YLPM1: variants seen among roughly 807,000 people sequenced by gnomAD.
YLPM1 encodes the protein YLP motif-containing protein 1.
YLPM1 carries 99 observed loss-of-function variants against 230.0 expected under a neutral mutation model. That is an observed-to-expected ratio of 0.43 (90% confidence interval 0.37 to 0.51). The LOEUF is 0.51. Ranked by LOEUF, YLPM1 falls within the 20% of genes least tolerant of loss-of-function variation. YLPM1 has a pLI of 0.00. For missense variants in YLPM1, 2,592 were observed against 2,707.7 expected (o/e 0.96, Z 0.95); for synonymous variants, 984 against 942.5 (o/e 1.04, Z -0.81).
rs541025662 is a variant in YLPM1 at position 74,780,975 on chromosome 14, C to G, written c.1291-359C>G. ...CGTAAAAGATAAAGTGACTTAGATA[C>G]TTGTTTGTGTTGTATCTTTGAGGGG... On this transcript the variant is annotated intron_variant, in intron 3 of 20. Transcript: ENST00000325680. Among the ~76,000 whole-genome samples the G allele has an allele frequency of 3.2e-3, 485 of 152,274 alleles. 4 individuals carry two copies. The highest frequency in any genetic ancestry group is 5.2e-3 in the Non-Finnish European group (355 of 68,022).
rs550912387 is a variant in YLPM1 at position 74,827,087 on chromosome 14, C to T, written c.6164-2126C>T. ...ATAGGTGCATAATCTTGTATGTTTA[C>T]GTTGAACAGATTTTCAGAAATACCA... On this transcript the variant is annotated intron_variant, in intron 18 of 20. Transcript: ENST00000325680. Among the ~76,000 whole-genome samples the T allele has an allele frequency of 7.9e-5, 12 of 152,106 alleles. No individual in the cohort carries two copies. The South Asian group carries it at 1.9e-3, about 24-fold the overall frequency.
intron 18 of YLPM1, chr14:74,827,864 A>G: frequency 1.0e-6 from 1 of 985,388 alleles, no homozygotes; most frequent in Non-Finnish European, 1.2e-6. Context: ...GGCCCGTCAT[A>G]TACACGTAGA....
At chr14:74,792,002 A>G (rs2140101519) in intron 4 of YLPM1, among the ~76,000 whole-genome samples, 1 of 152,348 alleles carries the variant, frequency 6.6e-6, no homozygotes, top group East Asian at 1.9e-4. Context: ...AATAATTGCT[A>G]CATTTAATAC....
At chr14:74,778,240 T>G (rs1251977778) in intron 1 of YLPM1, among the ~76,000 whole-genome samples, 1 of 152,242 alleles carries the variant, frequency 6.6e-6, no homozygotes, top group Non-Finnish European at 1.5e-5. Flanking sequence ...TGGTTTAATT[T>G]AAATGTATAA....
intron 11 of YLPM1, among the ~76,000 whole-genome samples, chr14:74,815,561 CAA>C (rs746833102): frequency 1.3e-4 from 15 of 114,138 alleles, no homozygotes; most frequent in Non-Finnish European, 1.7e-4. Context: ...GACTCCATCT[CAA>C]AAAAAAAAAA....
At chr14:74,773,149 G>A (rs909749566) in intron 1 of YLPM1, among the ~76,000 whole-genome samples, 2 of 152,194 alleles carry the variant, frequency 1.3e-5, no homozygotes, top group African/African-American at 2.4e-5. Flanking sequence ...TTAGCCGGGC[G>A]TGGTGGCGGG....
chr14:74,810,420 G>A lies in YLPM1; in HGVS notation c.5228G>A (p.Arg1743Lys), dbSNP rs1480517460. The A allele has an allele frequency of 2.5e-6, 4 of 1,613,224 alleles. No homozygotes were observed. Among genetic ancestry groups the A allele is most frequent in the Non-Finnish European group, 3.4e-6 (4 of 1,179,742 alleles). Residue 1743 changes from arginine to lysine, a missense_variant and splice_region_variant, in exon 9 of 21, where the codon AGA becomes AAA. By Grantham distance (26) the Arg-to-Lys change is conservative. Coordinates refer to ENST00000325680, the MANE Select transcript of YLPM1 (RefSeq NM_019589.3). ...FDRERRPRDDRAQSYRDKKDH... is the reference protein window; with the variant it reads ...FDRERRPRDDKAQSYRDKKDH... ...AGAGAACGCCGACCCCGAGATGATAGGTATGCTATAAAACAATCTTTGCTA... is the reference window on the plus strand; with the variant it reads ...AGAGAACGCCGACCCCGAGATGATAAGTATGCTATAAAACAATCTTTGCTA...
chr14:74,763,590 C>A lies in YLPM1; in HGVS notation c.101C>A (p.Pro34His). 6.3e-7 allele frequency: 1 copy of A among 1,589,184 alleles called. No homozygotes were observed. The highest frequency in any genetic ancestry group is 8.6e-7 in the Non-Finnish European group (1 of 1,166,694). Reference protein sequence around the residue: ...PVALPEASPGPGYSSSTTPAA... With the variant: ...PVALPEASPGHGYSSSTTPAA... ...GCGCTTCCTGAGGCCTCGCCGGGGC[C>A]CGGGTACTCGAGCTCGACGACTCCC... Residue 34 changes from proline to histidine, a missense_variant, in exon 1 of 21, where the codon CCC becomes CAC. Physicochemically the swap from Pro to His is moderately conservative, Grantham distance 77. Coordinates refer to ENST00000325680, the MANE Select transcript of YLPM1 (RefSeq NM_019589.3).
chr14:74,779,656 T>C (rs955627589), intron 2 of YLPM1, among the ~76,000 whole-genome samples: 82 of 151,892 alleles, frequency 5.4e-4, no homozygotes, highest in Non-Finnish European at 7.2e-4. Flanking sequence ...TTTTTTTTTT[T>C]TTCCAGACAG....
At position 74,763,775 on chromosome 14, in the gene YLPM1, G is replaced by T. The variant is rs772517359; in HGVS notation, c.286G>T (p.Gly96Cys). 2 of 1,486,330 alleles carry T rather than the reference G, an allele frequency of 1.3e-6. No homozygotes were observed. The highest frequency in any genetic ancestry group is 2.9e-5 in the African/African-American group (2 of 69,788). The allele number at this position is 1,486,330 out of a possible 1,614,324, so 92.1% of individuals were successfully genotyped here. Residue 96 changes from glycine to cysteine, a missense_variant, in exon 1 of 21, where the codon GGC (glycine) becomes TGC (cysteine). Transcript: ENST00000325680. ...LPPPPVMPGG[G>C]YGDWQPPPPP... ...GCCCCCGCCAGTGATGCCGGGGGGC[G>T]GCTACGGAGACTGGCAGCCGCCACC...
rs750033293 is a variant in YLPM1, at chr14:74,802,623, C to T, written c.4468C>T (p.Pro1490Ser). ...GSEPQMADHL[P>S]PQESRLQNTS... ...TGAGCCACAGATGGCTGACCATCTA[C>T]CACCTCAGGAATCAAGATTGCAGAA... The change falls in exon 6 of 21, where the codon CCA becomes TCA. Residue 1490 changes from proline to serine, a missense_variant. By Grantham distance (74) the Pro-to-Ser change is moderately conservative. This residue lies in a region of YLPM1 where 403 missense variants were observed against 426.7 expected (regional missense o/e 0.94). Transcript: ENST00000325680. 12 of 1,613,456 alleles carry T rather than the reference C, an allele frequency of 7.4e-6. 1 individual carries two copies. The South Asian group carries it at 1.2e-4, about 16-fold the overall frequency.
chr14:74,811,693 C>T lies in YLPM1; in HGVS notation c.5302C>T (p.Arg1768Trp). Residue 1768 changes from arginine to tryptophan, a missense_variant, in exon 10 of 21, where the codon CGG (arginine) becomes TGG (tryptophan). Arg to Trp is a moderately radical substitution (Grantham distance 101). Coordinates refer to ENST00000325680, the MANE Select transcript of YLPM1 (RefSeq NM_019589.3). ...GGGTTTTGATAGGCCATCCTATGAC[C>T]GGAAGTCTGACCGACCAGTCTATGA... ...RGGFDRPSYD[R>W]KSDRPVYEGP... The T allele has an allele frequency of 2.5e-6, 4 of 1,611,894 alleles. No homozygotes were observed. The highest frequency in any genetic ancestry group is 1.1e-5 in the South Asian group (1 of 90,756).
intron 4 of YLPM1, among the ~76,000 whole-genome samples, chr14:74,792,145 AAT>A (rs1228604271): frequency 6.6e-6 from 1 of 152,120 alleles, no homozygotes; most frequent in Non-Finnish European, 1.5e-5. Context: ...TCCTTCTGTA[AAT>A]ATATACTCTC....
intron 1 of YLPM1, among the ~76,000 whole-genome samples, chr14:74,768,316 C>A (rs1187463453): frequency 6.6e-6 from 1 of 152,234 alleles, no homozygotes; most frequent in Non-Finnish European, 1.5e-5. Flanking sequence ...GTGGTGAAAT[C>A]TCGGCTCACT....
At chr14:74,791,828 A>G (rs1408875140) in intron 4 of YLPM1, among the ~76,000 whole-genome samples, 1 of 152,180 alleles carries the variant, frequency 6.6e-6, no homozygotes, top group Non-Finnish European at 1.5e-5. Flanking sequence ...TTCTTCCAAA[A>G]TGTCAGTCAT....
At chr14:74,814,598 T>G (rs895238362) in intron 11 of YLPM1, among the ~76,000 whole-genome samples, 1 of 152,222 alleles carries the variant, frequency 6.6e-6, no homozygotes, top group Non-Finnish European at 1.5e-5. Context: ...CTGGGATAAA[T>G]CCCACTTGAT....
At chr14:74,824,124 C>T (rs1371790633) in intron 17 of YLPM1, 132 bp from the exon 18 acceptor site, 1 of 798,512 alleles carries the variant, frequency 1.3e-6, no homozygotes. Flanking sequence ...TGTGTTTCCC[C>T]TAAGGATGTA....
intron 1 of YLPM1, among the ~76,000 whole-genome samples, chr14:74,772,412 G>A (rs2090986767): frequency 6.6e-6 from 1 of 150,460 alleles, no homozygotes; most frequent in South Asian, 2.1e-4. Flanking sequence ...CTGAAGTGCA[G>A]TGGCGCGAGG....
rs1035340614 is a variant in YLPM1 at position 74,836,164 on chromosome 14, C to T, written c.*426C>T. 2 of 193,636 alleles carry T rather than the reference C, an allele frequency of 1.0e-5. No individual in the cohort carries two copies. Among genetic ancestry groups the T allele is most frequent in the African/African-American group, 4.8e-5 (2 of 41,828 alleles). 12.0% of individuals were successfully genotyped at this position (193,636 alleles called of 1,614,324 possible). Reference sequence around the variant, plus strand: ...AAAACAATAAACTTTCATGATAAAGCCGATGAGATTCATGGGCTATACAGC... The same window carrying T: ...AAAACAATAAACTTTCATGATAAAGTCGATGAGATTCATGGGCTATACAGC... On this transcript the variant is annotated 3_prime_UTR_variant, in exon 21 of 21. Coordinates refer to ENST00000325680, the MANE Select transcript of YLPM1 (RefSeq NM_019589.3).
Sources: allele counts gnomAD v4.1 joint callset (sites outside exome capture counted in the v4.1 genomes callset), GRCh38; gene constraint gnomAD v4.1.1; regional missense constraint gnomAD v4.1.1; transcripts MANE v1.5; gene names NCBI Gene and HGNC (gene_info 2026-07-23, HGNC 2026-07-21).